LAYN: variants seen among roughly 807,000 people sequenced by gnomAD.
The protein encoded by LAYN is layilin.
A neutral mutation model predicts 43.6 loss-of-function variants in LAYN; 38 were observed. The observed-to-expected ratio is 0.87, with a 90% CI of 0.67 to 1.14. LAYN has a LOEUF of 1.14. Ranked by LOEUF, LAYN falls within the 50% of genes most tolerant of loss-of-function variation. The pLI, the probability that LAYN is intolerant of heterozygous loss-of-function variation, is 0.00. For synonymous variants in LAYN, 168 were observed against 172.9 expected (o/e 0.97, Z 0.22); for missense variants, 479 against 463.8 (o/e 1.03, Z -0.30).
chr11:111,547,216 C>T (rs1347850981), intron 2 of LAYN, among the ~76,000 whole-genome samples: 1 of 152,190 alleles, frequency 6.6e-6, no homozygotes, highest in African/African-American at 2.4e-5. Flanking sequence ...AAGGGATGTT[C>T]TGGTATTCCC....
intron 4 of LAYN, 23 bp downstream of exon 4, chr11:111,554,616 G>A: frequency 1.2e-6 from 2 of 1,605,174 alleles, no homozygotes; most frequent in South Asian, 1.1e-5. Flanking sequence ...CTTGAGATTT[G>A]GGTTAACTGG....
intron 6 of LAYN, among the ~76,000 whole-genome samples, chr11:111,559,365 C>T (rs1463195633): frequency 1.3e-5 from 2 of 152,112 alleles, no homozygotes; most frequent in Non-Finnish European, 2.9e-5. Context: ...GCTGTTTTAT[C>T]TCTTACATTC....
At position 111,560,665 on chromosome 11, in the gene LAYN, G is replaced by A. The variant is rs2135808298; in HGVS notation, c.*207G>A. 1 of 571,076 alleles carries A rather than the reference G, an allele frequency of 1.8e-6. No homozygotes were observed. The highest frequency in any genetic ancestry group is 3.1e-6 in the Non-Finnish European group (1 of 326,536). 35.4% of individuals were successfully genotyped at this position (571,076 alleles called of 1,614,324 possible). On this transcript the variant is annotated 3_prime_UTR_variant, in exon 7 of 7. Transcript: ENST00000375614. Reference sequence around the variant, plus strand: ...AGCCAGTCATCCAGCTCGACCTTATGAGAAGGTACCTTGCCCAGGTCTGGC... The same window carrying A: ...AGCCAGTCATCCAGCTCGACCTTATAAGAAGGTACCTTGCCCAGGTCTGGC...
chr11:111,560,068 C>T, intron 6 of LAYN, 27 bp from the exon 7 acceptor site: 1 of 1,577,570 alleles, frequency 6.3e-7, no homozygotes, highest in South Asian at 1.2e-5. Context: ...GTCTAAAACA[C>T]TCAGCCCTGG....
intron 3 of LAYN, among the ~76,000 whole-genome samples, chr11:111,552,293 A>C (rs1867758889): frequency 6.6e-6 from 1 of 152,080 alleles, no homozygotes; most frequent in African/African-American, 2.4e-5. Flanking sequence ...GGATCGTAGC[A>C]CCTCACCCAC....
chr11:111,547,592 A>G (rs1043642843), intron 2 of LAYN, among the ~76,000 whole-genome samples: 2 of 152,230 alleles, frequency 1.3e-5, no homozygotes, highest in African/African-American at 4.8e-5. Flanking sequence ...TAGGTACCCA[A>G]GGGCATGTTA....
At chr11:111,546,194 C>G (rs1216511930) in intron 2 of LAYN, among the ~76,000 whole-genome samples, 2 of 152,126 alleles carry the variant, frequency 1.3e-5, no homozygotes, top group Non-Finnish European at 2.9e-5. Flanking sequence ...TCTTTAATAT[C>G]TGATGAAAAG....
At chr11:111,544,369 A>T in intron 2 of LAYN, 149 bp downstream of exon 2, 1 of 792,882 alleles carries the variant, frequency 1.3e-6, no homozygotes, top group African/African-American at 1.7e-5. Flanking sequence ...CTGCTGACCT[A>T]AGCAGTGCAG....
chr11:111,549,949 G>A (rs554802146), intron 3 of LAYN, among the ~76,000 whole-genome samples, 174 bp downstream of exon 3: 2 of 152,282 alleles, frequency 1.3e-5, no homozygotes, highest in East Asian at 3.9e-4. Flanking sequence ...ATTCCTCACC[G>A]AGGAGTAATC....
At chr11:111,551,255 G>A (rs1304400534) in intron 3 of LAYN, 1 of 444,072 alleles carries the variant, frequency 2.3e-6, no homozygotes, top group East Asian at 7.0e-5. Context: ...ACGTGGGATG[G>A]GGGCATGGGG....
Position 111,555,225 on chromosome 11 carries a change from C to T in LAYN, c.593C>T (p.Thr198Ile), listed in dbSNP as rs751005703. The T allele has an allele frequency of 4.2e-5, 67 of 1,613,586 alleles. No homozygotes were observed. The Admixed American group carries it at 9.0e-4, about 22-fold the overall frequency. Residue 198 changes from threonine to isoleucine, a missense_variant, in exon 5 of 7, where the codon ACA (threonine) becomes ATA (isoleucine). Coordinates refer to ENST00000375614, the MANE Select transcript of LAYN (RefSeq NM_178834.5). ...REAEGEETELTTPVLPEETQE... is the reference protein window; with the variant it reads ...REAEGEETELITPVLPEETQE... Reference sequence around the variant, plus strand: ...TCTCCAGGTGAGGAAACAGAGCTGACAACACCTGTACTTCCAGAAGAAACA... The same window carrying T: ...TCTCCAGGTGAGGAAACAGAGCTGATAACACCTGTACTTCCAGAAGAAACA...
chr11:111,552,014 G>GTATA (rs1193183443), intron 3 of LAYN, among the ~76,000 whole-genome samples: 5 of 57,276 alleles, frequency 8.7e-5, no homozygotes, highest in African/African-American at 2.2e-4. Flanking sequence ...ATGTGTGTGT[G>GTATA]TATATATATA....
chr11:111,544,478 T>C (rs1279475940), intron 2 of LAYN, among the ~76,000 whole-genome samples: 2 of 152,246 alleles, frequency 1.3e-5, no homozygotes, highest in Non-Finnish European at 2.9e-5. Context: ...ATATAATGCT[T>C]GAAGCCAGTT....
At chr11:111,552,033 T>TGC (rs2135798944) in intron 3 of LAYN, among the ~76,000 whole-genome samples, 1 of 151,648 alleles carries the variant, frequency 6.6e-6, no homozygotes, top group East Asian at 1.9e-4. Flanking sequence ...TATATATATA[T>TGC]GCATGTATGC....
At chr11:111,545,359 G>C (rs1055160100) in intron 2 of LAYN, among the ~76,000 whole-genome samples, 5 of 152,116 alleles carry the variant, frequency 3.3e-5, no homozygotes, top group African/African-American at 1.2e-4. Flanking sequence ...TTGACCTTGT[G>C]GCATGATCCA....
chr11:111,545,751 A>T (rs1319621190), intron 2 of LAYN, among the ~76,000 whole-genome samples: 1 of 152,188 alleles, frequency 6.6e-6, no homozygotes, highest in Admixed American at 6.5e-5. Flanking sequence ...TACGTGGGTC[A>T]CTGCCAGCGA....
chr11:111,557,956 A>G (rs917633304), intron 6 of LAYN, among the ~76,000 whole-genome samples: 1 of 152,242 alleles, frequency 6.6e-6, no homozygotes, highest in African/African-American at 2.4e-5. Flanking sequence ...TCATGAATGT[A>G]TGCCCTCACT....
At chr11:111,544,791 A>C in intron 2 of LAYN, among the ~76,000 whole-genome samples, 1 of 152,188 alleles carries the variant, frequency 6.6e-6, no homozygotes, top group East Asian at 1.9e-4. Context: ...TATCAAAATT[A>C]AAAGACAGAC....
chr11:111,549,688 C>T lies in LAYN; in HGVS notation c.454C>T (p.Pro152Ser). The change falls in exon 3 of 7, where the codon CCC (proline) becomes TCC (serine). Residue 152 changes from proline to serine, a missense_variant. Coordinates refer to ENST00000375614, the MANE Select transcript of LAYN (RefSeq NM_178834.5). Reference sequence around the variant, plus strand: ...GGTCATGTACCATCAGCCATCGGCACCCGCTGGCATCGGAGGCCCCTACAT... The same window carrying T: ...GGTCATGTACCATCAGCCATCGGCATCCGCTGGCATCGGAGGCCCCTACAT... ...CVVMYHQPSA[P>S]AGIGGPYMFQ... 1.9e-6 allele frequency: 3 copies of T among 1,603,326 alleles called. No individual in the cohort carries two copies. Among genetic ancestry groups the T allele is most frequent in the Non-Finnish European group, 2.6e-6 (3 of 1,175,920 alleles).
Sources: gnomAD v4.1 joint callset for allele counts (sites outside exome capture counted in the v4.1 genomes callset) on GRCh38, gnomAD v4.1.1 for gene constraint, MANE v1.5 for transcripts, NCBI Gene and HGNC (gene_info 2026-07-23, HGNC 2026-07-21) for gene names.